The following ZMYM4 variants were observed in gnomAD, a reference collection of about 807,000 sequenced individuals.
ZMYM4 encodes the protein zinc finger MYM-type containing 4.
In ZMYM4, 31 loss-of-function variants were observed where a neutral mutation model predicts 183.2. The ratio of observed to expected loss-of-function variants is 0.17; its 90% CI spans 0.13 to 0.23. ZMYM4 has a LOEUF of 0.23. ZMYM4 is among the 10% of genes least tolerant of loss of function. The probability of loss-of-function intolerance (pLI) is 1.00; values close to 1 mark genes in which losing one functional copy is unlikely to be tolerated. For synonymous variants in ZMYM4, 592 were observed against 631.2 expected, an observed-to-expected ratio of 0.94 and a Z score of 0.93; for missense variants, 1,273 against 1,840.3, an observed-to-expected ratio of 0.69 and a Z score of 5.64.
Position 35,389,781 on chromosome 1 carries a change from A to ATGTGTGTG in ZMYM4, c.2437-147_2437-140dup, listed in dbSNP as rs139535337. On this transcript the variant is annotated intron_variant, in intron 14 of 29. Coordinates refer to ENST00000314607, the MANE Select transcript of ZMYM4 (RefSeq NM_005095.3). This position sits in a 1 kb window ranked among gnomAD's most constrained non-coding sequence, Gnocchi z 4.0. ...AAAAAAAAAAAAAATATATATATATATGTGTGTGTGTGTGTGTGTGTGTGT... is the reference window on the plus strand; with the variant it reads ...AAAAAAAAAAAAAATATATATATATATGTGTGTGTGTGTGTGTGTGTGTGTGTGTGTGT... Among the ~76,000 whole-genome samples, 1,269 of 141,450 alleles carry ATGTGTGTG rather than the reference A, an allele frequency of 9.0e-3. 27 individuals are homozygous for ATGTGTGTG. Among genetic ancestry groups the ATGTGTGTG allele is most frequent in the African/African-American group, 0.027 (1,031 of 37,650 alleles). 92.8% of individuals were successfully genotyped at this position (141,450 alleles called of 152,430 possible). A position where few individuals can be genotyped will look rare whatever the true frequency, so the allele number is the denominator to read the frequency against.
chr1:35,361,538 G>A (rs1308587144), intron 4 of ZMYM4, 81 bp from the exon 5 acceptor site: 6 of 1,463,426 alleles, frequency 4.1e-6, no homozygotes, highest in Non-Finnish European at 5.5e-6. Context: ...CATTTCCAAT[G>A]AGCTTTTCTT....
intron 1 of ZMYM4, among the ~76,000 whole-genome samples, chr1:35,286,224 A>G (rs1431948095): frequency 1.3e-5 from 2 of 152,148 alleles, no homozygotes; most frequent in Non-Finnish European, 2.9e-5. Flanking sequence ...CAACACACAA[A>G]AATCAGTTGT....
At chr1:35,328,551 C>T (rs1642604763) in intron 2 of ZMYM4, among the ~76,000 whole-genome samples, 1 of 151,048 alleles carries the variant, frequency 6.6e-6, no homozygotes, top group Admixed American at 6.6e-5. Flanking sequence ...CTGCCTTGGC[C>T]TCCCAAAGTG....
At chr1:35,378,998 T>A (rs527632987) in intron 7 of ZMYM4, among the ~76,000 whole-genome samples, 1 of 152,324 alleles carries the variant, frequency 6.6e-6, no homozygotes, top group Admixed American at 6.5e-5. Flanking sequence ...AGGGCCTTGC[T>A]CTGGATTAGG....
intron 7 of ZMYM4, among the ~76,000 whole-genome samples, chr1:35,373,217 TATAA>T (rs1238468201): frequency 2.7e-5 from 4 of 150,100 alleles, no homozygotes; most frequent in Non-Finnish European, 4.4e-5. Context: ...TTTATGTCAG[TATAA>T]ATAAATATAT....
At chr1:35,416,278 A>C (rs1225687380) in intron 28 of ZMYM4, among the ~76,000 whole-genome samples, 1 of 152,206 alleles carries the variant, frequency 6.6e-6, no homozygotes, top group African/African-American at 2.4e-5. Flanking sequence ...AATGTTCAGA[A>C]ACTTAATCTT....
At position 35,422,043 on chromosome 1, in the gene ZMYM4, AAG is replaced by A. The variant is rs1417763051; in HGVS notation, c.*2371_*2372del. ...CCAGCAATTAGTAAAATTACAAAGA[AAG>A]AGAGCAGTTTCCGAGAAAGAAATTT... On this transcript the variant is annotated 3_prime_UTR_variant, in exon 30 of 30. Coordinates refer to ENST00000314607, the MANE Select transcript of ZMYM4 (RefSeq NM_005095.3). 5 of 152,212 alleles carry A rather than the reference AAG, an allele frequency of 3.3e-5. No homozygotes were observed. Among genetic ancestry groups the A allele is most frequent in the African/African-American group, 1.2e-4 (5 of 41,458 alleles). The allele number at this position is 152,212 out of a possible 1,614,324, so 9.4% of individuals were successfully genotyped here. A position where few individuals can be genotyped will look rare whatever the true frequency, so the allele number is the denominator to read the frequency against.
intron 2 of ZMYM4, among the ~76,000 whole-genome samples, chr1:35,335,661 T>G (rs1163439822): frequency 6.6e-6 from 1 of 152,146 alleles, no homozygotes; most frequent in African/African-American, 2.4e-5. Context: ...GGAAAAAACA[T>G]AAAATTCTGG....
chr1:35,387,162 C>T lies in ZMYM4; in HGVS notation c.1996C>T (p.Leu666Phe). The change falls in exon 12 of 30, where the codon CTC becomes TTC. Residue 666 changes from leucine (L) to phenylalanine (F), a missense_variant. Around this residue, in one of 6 missense-constraint regions of ZMYM4, gnomAD observed 319 missense variants for 518.1 expected, o/e 0.62. Transcript: ENST00000314607. ...TSISSSAAAG[L>F]QRLAAQSQHV... ...CATCAGTAGCTCTGCTGCAGCTGGT[C>T]TCCAGCGTCTCGCTGCCCAGTCCCA... The T allele has an allele frequency of 2.5e-5, 40 of 1,614,218 alleles. No homozygotes were observed. Among genetic ancestry groups the T allele is most frequent in the Non-Finnish European group, 3.4e-5 (40 of 1,180,028 alleles).
At chr1:35,361,158 A>T in intron 3 of ZMYM4, 36 bp from the exon 4 acceptor site, 1 of 1,531,230 alleles carries the variant, frequency 6.5e-7, no homozygotes, top group Non-Finnish European at 8.9e-7. Flanking sequence ...TTATTCATAT[A>T]CATGTGTTTG....
chr1:35,367,556 G>A (rs543796151), intron 5 of ZMYM4, among the ~76,000 whole-genome samples: 40 of 152,190 alleles, frequency 2.6e-4, no homozygotes, highest in Non-Finnish European at 5.1e-4. Context: ...AGTTTCGTTA[G>A]GATAGCATGA....
chr1:35,270,497 G>A (rs1411345676), intron 1 of ZMYM4, among the ~76,000 whole-genome samples: 1 of 152,152 alleles, frequency 6.6e-6, no homozygotes, highest in African/African-American at 2.4e-5. Flanking sequence ...AGCGGCTCAC[G>A]CCTGTAATCC....
intron 2 of ZMYM4, among the ~76,000 whole-genome samples, chr1:35,342,094 A>C (rs943530588): frequency 7.2e-5 from 11 of 152,118 alleles, no homozygotes; most frequent in Admixed American, 6.6e-4. Flanking sequence ...ACAGCATTTA[A>C]AGAATTTTAT....
chr1:35,402,163 T>G (rs933594330), intron 23 of ZMYM4, among the ~76,000 whole-genome samples: 2 of 151,516 alleles, frequency 1.3e-5, no homozygotes, highest in African/African-American at 4.8e-5. Flanking sequence ...GTTGGGGCTG[T>G]CCTGAATCCA....
intron 1 of ZMYM4, among the ~76,000 whole-genome samples, chr1:35,280,085 TTTTCTCTC>T (rs1640067575): frequency 6.6e-6 from 1 of 152,052 alleles, no homozygotes; most frequent in African/African-American, 2.4e-5. Flanking sequence ...TTACATTTTT[TTTTCTCTC>T]TTTCTCTTTC....
rs531013210 is a variant in ZMYM4, at chr1:35,361,342, A to G, written c.669+87A>G. ...GTCAGTTTCTAAATTCTAACAATGT[A>G]TTAGGTAGAGCACTGATTTTTTTTT... On this transcript the variant is annotated intron_variant, in intron 4 of 29. Transcript: ENST00000314607. 158 of 1,313,824 alleles carry G rather than the reference A, an allele frequency of 1.2e-4. No individual in the cohort carries two copies. The African/African-American group carries it at 2.1e-3, about 18-fold the overall frequency. 81.4% of individuals were successfully genotyped at this position (1,313,824 alleles called of 1,614,324 possible). A position where few individuals can be genotyped will look rare whatever the true frequency, so the allele number is the denominator to read the frequency against.
At chr1:35,401,098 T>A (rs545809548) in intron 23 of ZMYM4, among the ~76,000 whole-genome samples, 59 of 152,316 alleles carry the variant, frequency 3.9e-4, no homozygotes, top group African/African-American at 1.4e-3. Context: ...TTAGTATCAA[T>A]CTTTGTGTGA....
chr1:35,338,372 A>G (rs369239168), intron 2 of ZMYM4, among the ~76,000 whole-genome samples: 1 of 152,188 alleles, frequency 6.6e-6, no homozygotes, highest in East Asian at 1.9e-4. Context: ...GTATCAGTGG[A>G]TCCTGCAACC....
chr1:35,317,618 A>G (rs1384892499), intron 1 of ZMYM4, among the ~76,000 whole-genome samples: 1 of 152,162 alleles, frequency 6.6e-6, no homozygotes, highest in Non-Finnish European at 1.5e-5. Flanking sequence ...GGCTGGTTTG[A>G]TCATTTCAGA....
Sources: allele counts gnomAD v4.1 joint callset (sites outside exome capture counted in the v4.1 genomes callset), GRCh38; gene constraint gnomAD v4.1.1; regional missense constraint gnomAD v4.1.1; non-coding constraint Gnocchi (gnomAD v3.1); transcripts MANE v1.5; gene names NCBI Gene and HGNC (gene_info 2026-07-23, HGNC 2026-07-21).